The following MROH2B variants were observed in gnomAD, a reference collection of about 807,000 sequenced individuals.
MROH2B encodes maestro heat-like repeat-containing protein family member 2B.
A neutral mutation model predicts 208.6 loss-of-function variants in MROH2B; 177 were observed. The observed-to-expected ratio is 0.85, with a 90% CI of 0.75 to 0.96. MROH2B has a LOEUF of 0.96. Ranked by LOEUF, MROH2B falls within the 40% of genes least tolerant of loss-of-function variation. The pLI is 0.00. For missense variants in MROH2B, 2,002 were observed against 1,878.7 expected, an observed-to-expected ratio of 1.07 and a Z score of -1.21; for synonymous variants, 728 against 659.0, an observed-to-expected ratio of 1.10 and a Z score of -1.60.
intron 13 of MROH2B, among the ~76,000 whole-genome samples, 192 bp downstream of exon 13, chr5:41,050,784 AT>A (rs1743260694): frequency 1.3e-5 from 2 of 152,218 alleles, no homozygotes; most frequent in Admixed American, 1.3e-4. Flanking sequence ...AAGATACTTT[AT>A]ATTAATTAAT....
chr5:41,027,101 G>T (rs1742391319), intron 24 of MROH2B, among the ~76,000 whole-genome samples: 1 of 152,222 alleles, frequency 6.6e-6, no homozygotes, highest in South Asian at 2.1e-4. Flanking sequence ...GAAAACCTAG[G>T]CCATAACATT....
chr5:41,048,501 G>T (rs1453226130), intron 15 of MROH2B, 36 bp from the exon 16 acceptor site: 1 of 1,558,460 alleles, frequency 6.4e-7, no homozygotes. Context: ...ATCAATTTCA[G>T]GGGCGTTTAA....
chr5:41,017,844 C>T lies in MROH2B; in HGVS notation c.2884+6G>A. 6.3e-7 allele frequency: 1 copy of T among 1,577,676 alleles called. No homozygotes were observed. The stretch of plus-strand genomic sequence containing the variant: ...TTCATTTGTGGGTTCCCCATCTTTC[C>T]CTCACCTTTTATATAGAACAGACCA... On this transcript the variant is annotated splice_donor_region_variant and intron_variant, in intron 28 of 41. Transcript: ENST00000399564.
At chr5:41,016,681 A>T (rs969726673) in intron 28 of MROH2B, among the ~76,000 whole-genome samples, 2 of 151,686 alleles carry the variant, frequency 1.3e-5, no homozygotes, top group East Asian at 3.9e-4. Flanking sequence ...GGGTTTCACC[A>T]TGTTGGCCAG....
chr5:41,018,082 G>T, intron 27 of MROH2B, 112 bp from the exon 28 acceptor site: 1 of 1,387,456 alleles, frequency 7.2e-7, no homozygotes, highest in Non-Finnish European at 9.6e-7. Flanking sequence ...TCCTTAGAAT[G>T]AAATTTGATC....
intron 32 of MROH2B, 30 bp from the exon 33 acceptor site, chr5:41,008,823 C>G (rs1160600700): frequency 6.3e-7 from 1 of 1,586,900 alleles, no homozygotes; most frequent in Non-Finnish European, 8.6e-7. Context: ...CTTGGTCAGG[C>G]AGTCTCATTT....
chr5:41,044,877 T>A (rs1304320209), intron 18 of MROH2B, among the ~76,000 whole-genome samples: 1 of 152,214 alleles, frequency 6.6e-6, no homozygotes, highest in African/African-American at 2.4e-5. Context: ...TACTTTTATA[T>A]GGAGCACATG....
At chr5:41,059,873 G>T (rs777363413) in intron 6 of MROH2B, among the ~76,000 whole-genome samples, 4 of 152,070 alleles carry the variant, frequency 2.6e-5, no homozygotes, top group African/African-American at 4.8e-5. Context: ...CACTTATTTG[G>T]TTGTCACTTA....
intron 4 of MROH2B, 139 bp downstream of exon 4, chr5:41,065,192 G>T: frequency 3.3e-6 from 3 of 895,804 alleles, no homozygotes; most frequent in South Asian, 2.0e-5. Context: ...TTAAACAGCT[G>T]CCCACATCCC....
In MROH2B at chr5:41,049,121, G is replaced by T; in HGVS notation, c.1522C>A (p.Gln508Lys). The T allele has an allele frequency of 2.5e-6, 4 of 1,600,100 alleles. No homozygotes were observed. Among genetic ancestry groups the T allele is most frequent in the Non-Finnish European group, 3.4e-6 (4 of 1,172,528 alleles). The change falls in exon 15 of 42, where the codon CAG becomes AAG. Residue 508 changes from glutamine (Q) to lysine (K), a missense_variant. Coordinates refer to ENST00000399564, the MANE Select transcript of MROH2B (RefSeq NM_173489.5). ...TGAVKLPSPQQLLARLLVISM... is the reference protein window; with the variant it reads ...TGAVKLPSPQKLLARLLVISM... ...CTCACCAGAAGTCTGGCCAGTAGCT[G>T]CTGTGGTGAAGGAAGTTTCACTAGA... is the stretch of plus-strand genomic sequence containing the variant.
chr5:41,064,037 T>C (rs1743721246), intron 5 of MROH2B, among the ~76,000 whole-genome samples: 1 of 152,190 alleles, frequency 6.6e-6, no homozygotes, highest in Non-Finnish European at 1.5e-5. Flanking sequence ...ATTTAACCTA[T>C]GCTAAGAGCT....
chr5:41,064,046 C>T (rs1181533689), intron 5 of MROH2B, among the ~76,000 whole-genome samples: 3 of 152,150 alleles, frequency 2.0e-5, no homozygotes, highest in African/African-American at 7.2e-5. Context: ...ATGCTAAGAG[C>T]TGGTAAGTGC....
chr5:41,008,217 C>CT lies in MROH2B; in HGVS notation c.3608+388dup, dbSNP rs1025268671. Among the ~76,000 whole-genome samples, 37 of 152,166 alleles carry CT rather than the reference C, an allele frequency of 2.4e-4. 1 individual carries two copies. Among genetic ancestry groups the CT allele is most frequent in the Non-Finnish European group, 5.0e-4 (34 of 67,984 alleles). On this transcript the variant is annotated intron_variant, in intron 33 of 41. Transcript: ENST00000399564. ...TTTCTCAATGGTATGCAAAAAATTG[C>CT]TTTTTTTCAATTGCTGAAGTCTCAG...
At chr5:41,008,860 T>C (rs1741680346) in intron 32 of MROH2B, 67 bp from the exon 33 acceptor site, 6 of 1,470,720 alleles carry the variant, frequency 4.1e-6, no homozygotes, top group Non-Finnish European at 5.5e-6. Context: ...CTCTCTGGGC[T>C]GATTTTCAAC....
intron 35 of MROH2B, 72 bp downstream of exon 35, chr5:41,005,458 CT>C: frequency 1.7e-6 from 1 of 604,692 alleles, no homozygotes; most frequent in African/African-American, 2.1e-5. Context: ...CCAGTGCACA[CT>C]GGGCTCCAGA....
At chr5:41,062,705 A>G (rs1743679152) in intron 5 of MROH2B, among the ~76,000 whole-genome samples, 1 of 152,192 alleles carries the variant, frequency 6.6e-6, no homozygotes, top group Non-Finnish European at 1.5e-5. Context: ...AATACCCTGG[A>G]AAGGACCCTG....
intron 28 of MROH2B, 61 bp from the exon 29 acceptor site, chr5:41,015,539 C>A (rs974037319): frequency 2.7e-6 from 4 of 1,476,200 alleles, no homozygotes; most frequent in Non-Finnish European, 3.7e-6. Context: ...GTTGAAGAGG[C>A]TGGCTATATT....
In MROH2B at chr5:41,018,322, A is replaced by T; in HGVS notation, c.2763+19T>A. 6.2e-7 allele frequency: 1 copy of T among 1,604,514 alleles called. No individual in the cohort carries two copies. The highest frequency in any genetic ancestry group is 1.1e-5 in the South Asian group (1 of 89,258). On this transcript the variant is annotated intron_variant, in intron 27 of 41. Coordinates refer to ENST00000399564, the MANE Select transcript of MROH2B (RefSeq NM_173489.5). ...TGTTCACAAGCAATAAAGTCTATTC[A>T]TTCTAGGGGATTACTTACCTCAATA...
At chr5:41,008,585 G>T in intron 33 of MROH2B, 21 bp downstream of exon 33, 1 of 1,611,388 alleles carries the variant, frequency 6.2e-7, no homozygotes, top group Non-Finnish European at 8.5e-7. Flanking sequence ...TGTGGAAGAT[G>T]CTTCCTGATT....
Sources: gnomAD v4.1 joint callset for allele counts (sites outside exome capture counted in the v4.1 genomes callset) on GRCh38, gnomAD v4.1.1 for gene constraint, MANE v1.5 for transcripts, NCBI Gene and HGNC (gene_info 2026-07-23, HGNC 2026-07-21) for gene names.